Variants in ODF2L observed in about 807,000 individuals in gnomAD.
ODF2L encodes outer dense fiber of sperm tails 2 like.
Under a neutral mutation model 86.3 loss-of-function variants are expected in ODF2L, and 76 were observed. The ratio of observed to expected loss-of-function variants is 0.88; its 90% CI spans 0.73 to 1.07. ODF2L has a LOEUF of 1.07. Among genes scored for constraint, ODF2L ranks in the 50% least tolerant of loss-of-function variants. The pLI is 0.00. For missense variants in ODF2L, 748 were observed against 717.4 expected (o/e 1.04, Z -0.49); for synonymous variants, 241 against 231.3 (o/e 1.04, Z -0.38).
rs558622380 is a variant in ODF2L, at chr1:86,390,404, G to A, written c.-59-3318C>T. ...CACTACACTCCAGTCTGGCAACAGA[G>A]TGAGACTCCGTCTCAAGAAAAAAAA... On this transcript the variant is annotated intron_variant, in intron 1 of 17. Coordinates refer to ENST00000317336, the Ensembl canonical transcript of ODF2L. Among the ~76,000 whole-genome samples the A allele has an allele frequency of 2.7e-5, 4 of 150,068 alleles. No individual in the cohort carries two copies. In the East Asian group the frequency reaches 6.0e-4, roughly 23 times the overall value.
At chr1:86,396,270 G>A (rs1661738645) in exon 1 of ODF2L, 1 of 152,408 alleles carries the variant, frequency 6.6e-6, no homozygotes, top group African/African-American at 2.4e-5. Context: ...CCGCAGAAGA[G>A]TGCCCGCTCA....
chr1:86,376,546 C>A (rs1660188827), intron 7 of ODF2L, 128 bp from the exon 8 acceptor site: 1 of 522,996 alleles, frequency 1.9e-6, no homozygotes, highest in Non-Finnish European at 3.3e-6. Flanking sequence ...TAAAGAAATA[C>A]CCTAGACTGA....
At chr1:86,393,697 T>C (rs1483926815) in intron 1 of ODF2L, among the ~76,000 whole-genome samples, 1 of 152,206 alleles carries the variant, frequency 6.6e-6, no homozygotes, top group East Asian at 1.9e-4. Context: ...TCAAGAACTC[T>C]AAACAAAAGT....
chr1:86,374,014 C>T (rs144684720), intron 8 of ODF2L, among the ~76,000 whole-genome samples: 8 of 152,112 alleles, frequency 5.3e-5, no homozygotes, highest in East Asian at 1.9e-4. Context: ...ACTGTGCCTC[C>T]GCTCTACATT....
At chr1:86,393,448 TA>T (rs1661472859) in intron 1 of ODF2L, among the ~76,000 whole-genome samples, 1 of 151,326 alleles carries the variant, frequency 6.6e-6, no homozygotes, top group Non-Finnish European at 1.5e-5. Flanking sequence ...ATCTTATGCG[TA>T]AAAGCTACCA....
chr1:86,372,685 T>C (rs1443743829), intron 8 of ODF2L, 145 bp from the exon 9 acceptor site: 4 of 451,674 alleles, frequency 8.9e-6, no homozygotes, highest in Non-Finnish European at 1.6e-5. Context: ...ACATGCATGT[T>C]TATAGCAGTG....
intron 1 of ODF2L, among the ~76,000 whole-genome samples, chr1:86,387,963 G>A (rs1398352527): frequency 6.6e-6 from 1 of 152,020 alleles, no homozygotes; most frequent in Non-Finnish European, 1.5e-5. Context: ...GAGTAGAAGT[G>A]AAATTACAGG....
chr1:86,369,900 A>G (rs150111231), intron 10 of ODF2L, among the ~76,000 whole-genome samples: 5,750 of 152,272 alleles, frequency 0.038, 129 homozygotes, highest in Middle Eastern at 0.082. Flanking sequence ...ATCTTTTAAA[A>G]TAACAATTCA....
intron 4 of ODF2L, among the ~76,000 whole-genome samples, 166 bp downstream of exon 4, chr1:86,384,510 A>G (rs1016685827): frequency 1.3e-5 from 2 of 151,906 alleles, no homozygotes; most frequent in African/African-American, 4.8e-5. Context: ...CGTGGTGTTC[A>G]TATACAACTA....
chr1:86,356,645 C>T, intron 13 of ODF2L, 43 bp from the exon 13 acceptor site: 1 of 1,551,600 alleles, frequency 6.4e-7, no homozygotes. Context: ...ATCACACATT[C>T]AGCATTAATA....
intron 13 of ODF2L, chr1:86,357,806 T>C: frequency 1.0e-6 from 1 of 984,524 alleles, no homozygotes; most frequent in Non-Finnish European, 1.2e-6. Context: ...GACCTCACAG[T>C]ATCTGAAAAA....
intron 9 of ODF2L, 85 bp downstream of exon 9, chr1:86,372,346 A>C: frequency 1.6e-6 from 1 of 610,918 alleles, no homozygotes; most frequent in East Asian, 3.3e-5. Flanking sequence ...TAATCTAAAA[A>C]AAATCAAAAT....
chr1:86,358,611 C>A, intron 13 of ODF2L, 176 bp downstream of exon 12: 1 of 315,292 alleles, frequency 3.2e-6, no homozygotes, highest in Non-Finnish European at 5.8e-6. Flanking sequence ...CATAAACAAA[C>A]AACATTTCCA....
intron 4 of ODF2L, 46 bp from the exon 5 acceptor site, chr1:86,383,242 CTA>C: frequency 1.0e-6 from 1 of 997,396 alleles, no homozygotes; most frequent in East Asian, 2.5e-5. Context: ...TTATATTTCT[CTA>C]TATAAAAAAG....
At chr1:86,389,621 T>C (rs1006593681) in intron 1 of ODF2L, among the ~76,000 whole-genome samples, 1 of 138,334 alleles carries the variant, frequency 7.2e-6, no homozygotes, top group African/African-American at 2.6e-5. Flanking sequence ...TTTGAAAAGA[T>C]AAATAAAACT....
At chr1:86,379,814 T>C (rs987642049) in intron 7 of ODF2L, among the ~76,000 whole-genome samples, 1 of 152,154 alleles carries the variant, frequency 6.6e-6, no homozygotes, top group African/African-American at 2.4e-5. Flanking sequence ...ATAAGAGTCA[T>C]AAGATAAGTA....
At chr1:86,360,374 T>C in intron 12 of ODF2L, 52 bp downstream of exon 11, 2 of 818,842 alleles carry the variant, frequency 2.4e-6, no homozygotes, top group Non-Finnish European at 4.1e-6. Flanking sequence ...AGAAATAGTG[T>C]TTTAAATTGT....
Position 86,350,847 on chromosome 1 carries a change from G to A in ODF2L, c.*1344C>T, listed in dbSNP as rs559835403. On this transcript the variant is annotated 3_prime_UTR_variant, in exon 18 of 18. Coordinates refer to ENST00000317336, the Ensembl canonical transcript of ODF2L. ...AGTTTTGATTTGCATTTCTCTGAAT[G>A]ACCAGTGATGAGCTTTTTTTCATAT... The A allele has an allele frequency of 5.9e-5, 9 of 152,266 alleles. No homozygotes were observed. The South Asian group carries it at 8.3e-4, about 14-fold the overall frequency. 9.4% of individuals were successfully genotyped at this position (152,266 alleles called of 1,614,324 possible).
Position 86,376,289 on chromosome 1 carries a change from T to G in ODF2L, c.754A>C (p.Arg252=), listed in dbSNP as rs773985072. 3.7e-6 allele frequency: 6 copies of G among 1,613,094 alleles called. No homozygotes were observed. In the East Asian group the frequency reaches 1.1e-4, roughly 30 times the overall value. The change falls in exon 8 of 18, where the codon AGG becomes CGG. Residue 252 remains arginine (R), a synonymous_variant. Coordinates refer to ENST00000317336, the Ensembl canonical transcript of ODF2L. Reference sequence around the variant, plus strand: ...ATAGCTCCTGTAAAATGGTCAAGCCTTTGTTTGTAAACTTTAGATGCCTTT... The same window carrying G: ...ATAGCTCCTGTAAAATGGTCAAGCCGTTGTTTGTAAACTTTAGATGCCTTT...
Sources: allele counts gnomAD v4.1 joint callset (sites outside exome capture counted in the v4.1 genomes callset), GRCh38; gene constraint gnomAD v4.1.1; transcripts MANE v1.5; gene names NCBI Gene and HGNC (gene_info 2026-07-23, HGNC 2026-07-21).